The following ANO3 variants were observed in gnomAD, a reference collection of about 807,000 sequenced individuals.
ANO3 encodes the protein anoctamin-3.
ANO3 carries 99 observed loss-of-function variants against 144.8 expected under a neutral mutation model. The ratio of observed to expected loss-of-function variants is 0.68; its 90% CI spans 0.58 to 0.81. The LOEUF is 0.81. Ranked by LOEUF, ANO3 falls within the 30% of genes least tolerant of loss-of-function variation. The pLI, the probability that ANO3 is intolerant of heterozygous loss-of-function variation, is 0.00. For synonymous variants in ANO3, 414 were observed against 392.6 expected, an observed-to-expected ratio of 1.05 and a Z score of -0.64; for missense variants, 905 against 1,202.2, an observed-to-expected ratio of 0.75 and a Z score of 3.66.
intron 1 of ANO3, among the ~76,000 whole-genome samples, chr11:26,338,117 A>T (rs77349869): frequency 5.5e-3 from 1 of 182 alleles, no homozygotes. Context: ...ATGATAATTA[A>T]AAAAAAAAAA....
intron 4 of ANO3, among the ~76,000 whole-genome samples, 185 bp from the exon 5 acceptor site, chr11:26,507,919 C>G (rs1861500425): frequency 6.6e-6 from 1 of 152,174 alleles, no homozygotes; most frequent in Non-Finnish European, 1.5e-5. Flanking sequence ...TGGAACATCA[C>G]TCGCTAATGT....
intron 1 of ANO3, among the ~76,000 whole-genome samples, chr11:26,222,639 A>C (rs1408989325): frequency 6.6e-6 from 1 of 152,222 alleles, no homozygotes; most frequent in Admixed American, 6.5e-5. Context: ...TTCTCTGAAA[A>C]TTAGGTGAAA....
chr11:26,542,626 A>G (rs377699249), intron 11 of ANO3, among the ~76,000 whole-genome samples: 1 of 152,202 alleles, frequency 6.6e-6, no homozygotes, highest in African/African-American at 2.4e-5. Flanking sequence ...TGACTAACAC[A>G]TGTTTCACAT....
At chr11:26,589,803 T>A (rs1043601081) in intron 14 of ANO3, among the ~76,000 whole-genome samples, 1 of 152,244 alleles carries the variant, frequency 6.6e-6, no homozygotes, top group Non-Finnish European at 1.5e-5. Flanking sequence ...TAAACATCCG[T>A]GCATCATTCC....
intron 18 of ANO3, among the ~76,000 whole-genome samples, chr11:26,630,009 C>T (rs1383926309): frequency 2.0e-5 from 3 of 152,142 alleles, no homozygotes; most frequent in East Asian, 1.9e-4. Context: ...CTTGCGCTGT[C>T]CTTGAAGGGT....
In ANO3 at chr11:26,641,958, C is replaced by A; in HGVS notation, c.2204C>A (p.Pro735His). The A allele has an allele frequency of 6.2e-7, 1 of 1,613,956 alleles. No individual in the cohort carries two copies. Among genetic ancestry groups the A allele is most frequent in the African/African-American group, 1.3e-5 (1 of 75,002 alleles). Residue 735 changes from proline (P) to histidine (H), a missense_variant, in exon 22 of 27, where the codon CCT (proline) becomes CAT (histidine). Coordinates refer to ENST00000256737, the MANE Select transcript of ANO3 (RefSeq NM_031418.4). ...IKRGIHDASI[P>H]QWENDWNLQP... ...CGGGGAATACATGATGCTTCCATAC[C>A]TCAGTGGGAAAATGATTGGAATCTG...
intron 1 of ANO3, among the ~76,000 whole-genome samples, chr11:26,316,185 C>A (rs993129020): frequency 6.6e-6 from 1 of 152,124 alleles, no homozygotes; most frequent in African/African-American, 2.4e-5. Context: ...GGCAGATCTG[C>A]AGGTCGAGAA....
At chr11:26,420,624 G>A (rs1334607195) in intron 1 of ANO3, among the ~76,000 whole-genome samples, 1 of 152,042 alleles carries the variant, frequency 6.6e-6, no homozygotes, top group Non-Finnish European at 1.5e-5. Context: ...CTAAGCACAT[G>A]GATTCTTCCA....
intron 1 of ANO3, among the ~76,000 whole-genome samples, chr11:26,385,492 C>A (rs1382848875): frequency 6.6e-6 from 1 of 152,068 alleles, no homozygotes; most frequent in African/African-American, 2.4e-5. Context: ...TTTTTTCTTG[C>A]ATTTTCTAGC....
chr11:26,458,570 G>A (rs909899473), intron 3 of ANO3, among the ~76,000 whole-genome samples: 1 of 152,056 alleles, frequency 6.6e-6, no homozygotes, highest in Non-Finnish European at 1.5e-5. Context: ...TGTGAGAATA[G>A]CCTAAAACAG....
chr11:26,324,845 T>C (rs1353174130), intron 1 of ANO3, among the ~76,000 whole-genome samples: 1 of 152,208 alleles, frequency 6.6e-6, no homozygotes, highest in Non-Finnish European at 1.5e-5. Flanking sequence ...AATATTTATA[T>C]GAGGCAAGTT....
intron 1 of ANO3, among the ~76,000 whole-genome samples, chr11:26,424,028 G>A (rs544047435): frequency 7.9e-5 from 12 of 151,732 alleles, no homozygotes; most frequent in African/African-American, 2.9e-4. Flanking sequence ...TAGTGCATAA[G>A]ACATATGAAT....
chr11:26,624,578 G>A, intron 18 of ANO3, 80 bp downstream of exon 18: 1 of 1,035,398 alleles, frequency 9.7e-7, no homozygotes, highest in Non-Finnish European at 1.5e-6. Context: ...TTTATATAAT[G>A]TAGCATTTTA....
chr11:26,294,368 A>T (rs1178881136), intron 1 of ANO3, among the ~76,000 whole-genome samples: 1 of 152,194 alleles, frequency 6.6e-6, no homozygotes, highest in Non-Finnish European at 1.5e-5. Context: ...GGATCTTCAA[A>T]ATAGTGCTGT....
intron 1 of ANO3, among the ~76,000 whole-genome samples, chr11:26,195,286 G>A (rs1416813506): frequency 6.6e-6 from 1 of 152,166 alleles, no homozygotes; most frequent in Non-Finnish European, 1.5e-5. Context: ...ATGCAACAGT[G>A]TTCTGAAGAT....
At chr11:26,613,787 G>A (rs1373066681) in intron 17 of ANO3, among the ~76,000 whole-genome samples, 2 of 152,204 alleles carry the variant, frequency 1.3e-5, no homozygotes, top group African/African-American at 4.8e-5. Context: ...CCTAGTCTAT[G>A]GTTGACTATA....
intron 3 of ANO3, among the ~76,000 whole-genome samples, chr11:26,462,194 T>C (rs1565039553): frequency 6.6e-6 from 1 of 151,966 alleles, no homozygotes; most frequent in Admixed American, 6.6e-5. Context: ...CATGTCAAAA[T>C]TCACGTTTAG....
chr11:26,509,693 C>A (rs1469401509), intron 5 of ANO3, among the ~76,000 whole-genome samples: 1 of 152,088 alleles, frequency 6.6e-6, no homozygotes, highest in Non-Finnish European at 1.5e-5. Context: ...GATGAAATAT[C>A]TAGATAATTT....
intron 10 of ANO3, among the ~76,000 whole-genome samples, chr11:26,538,735 G>A (rs546084247): frequency 2.4e-4 from 37 of 152,220 alleles, no homozygotes; most frequent in African/African-American, 6.0e-4. Context: ...TCCCACATGT[G>A]CTTGTAATTT....
Sources: gnomAD v4.1 joint callset for allele counts (sites outside exome capture counted in the v4.1 genomes callset) on GRCh38, gnomAD v4.1.1 for gene constraint, MANE v1.5 for transcripts, NCBI Gene and HGNC (gene_info 2026-07-23, HGNC 2026-07-21) for gene names.